MTHFD1L: variants seen among roughly 807,000 people sequenced by gnomAD.
MTHFD1L encodes the protein monofunctional C1-tetrahydrofolate synthase, mitochondrial.
A neutral mutation model predicts 119.5 loss-of-function variants in MTHFD1L; 81 were observed. The observed-to-expected ratio is 0.68, with a 90% CI of 0.57 to 0.82. MTHFD1L has a LOEUF of 0.82. Among genes scored for constraint, MTHFD1L ranks in the 40% least tolerant of loss-of-function variants. The pLI, the probability that MTHFD1L is intolerant of heterozygous loss-of-function variation, is 0.00. For synonymous variants in MTHFD1L, 430 were observed against 475.2 expected (o/e 0.90, Z 1.24); for missense variants, 1,125 against 1,253.4 (o/e 0.90, Z 1.55).
intron 11 of MTHFD1L, among the ~76,000 whole-genome samples, chr6:150,933,074 C>G (rs1791439189): frequency 6.6e-6 from 1 of 152,080 alleles, no homozygotes; most frequent in African/African-American, 2.4e-5. Flanking sequence ...TTATTGCTCA[C>G]AATAAATACT....
intron 26 of MTHFD1L, among the ~76,000 whole-genome samples, chr6:151,078,335 A>G (rs7769455): frequency 0.13 from 19,417 of 152,062 alleles, 2,590 homozygotes; most frequent in African/African-American, 0.33. Context: ...CTACTCACTC[A>G]GGAGGATGAG....
rs114853627 is a variant in MTHFD1L at position 150,973,730 on chromosome 6, A to C, written c.2125+1672A>C. Reference sequence around the variant, plus strand: ...ACGAGCCCTCTGTGTGACCTTGAACAAGCCATTAGCCTCTCTGGGTGTGTC... The same window carrying C: ...ACGAGCCCTCTGTGTGACCTTGAACCAGCCATTAGCCTCTCTGGGTGTGTC... On this transcript the variant is annotated intron_variant, in intron 20 of 27. Coordinates refer to ENST00000367321, the MANE Select transcript of MTHFD1L (RefSeq NM_015440.5). Among the ~76,000 whole-genome samples, 292 of 152,314 alleles carry C rather than the reference A, an allele frequency of 1.9e-3. 1 individual carries two copies. Among genetic ancestry groups the C allele is most frequent in the African/African-American group, 6.8e-3 (281 of 41,568 alleles).
At chr6:150,938,799 C>T (rs1040798829) in intron 13 of MTHFD1L, 54 bp downstream of exon 13, 120 of 1,554,784 alleles carry the variant, frequency 7.7e-5, no homozygotes, top group Non-Finnish European at 9.6e-5. Context: ...TTCCTGACAT[C>T]TTGTCTCTGC....
intron 24 of MTHFD1L, among the ~76,000 whole-genome samples, chr6:151,021,736 C>T (rs1438264802): frequency 6.6e-6 from 1 of 152,208 alleles, no homozygotes; most frequent in Non-Finnish European, 1.5e-5. Flanking sequence ...AGTCAAGTCT[C>T]CTAAAGCACT....
chr6:150,913,006 A>AT (rs553548063), intron 8 of MTHFD1L: 167 of 156,358 alleles, frequency 1.1e-3, no homozygotes, highest in South Asian at 2.1e-3. Context: ...ACTTATTTTT[A>AT]TTTTTTTTAT....
At chr6:150,930,226 C>A (rs1411359447) in intron 11 of MTHFD1L, among the ~76,000 whole-genome samples, 1 of 152,112 alleles carries the variant, frequency 6.6e-6, no homozygotes, top group Admixed American at 6.6e-5. Context: ...CATAGCAAGA[C>A]CCCATCTTTA....
At chr6:150,879,585 G>A (rs1486727915) in intron 4 of MTHFD1L, among the ~76,000 whole-genome samples, 1 of 150,100 alleles carries the variant, frequency 6.7e-6, no homozygotes, top group Non-Finnish European at 1.5e-5. Flanking sequence ...ACTGCGCCCA[G>A]CTGGAATTTG....
chr6:150,916,710 A>T (rs1583540245), intron 8 of MTHFD1L, among the ~76,000 whole-genome samples: 2 of 90,974 alleles, frequency 2.2e-5, no homozygotes, highest in Admixed American at 2.3e-4. Context: ...GCAATTTTTT[A>T]GTTTTGATGG....
chr6:150,866,053 A>C lies in MTHFD1L; in HGVS notation c.227+4A>C, dbSNP rs1185574666. On this transcript the variant is annotated splice_donor_region_variant and intron_variant, in intron 1 of 27. Coordinates refer to ENST00000367321, the MANE Select transcript of MTHFD1L (RefSeq NM_015440.5). Reference sequence around the variant, plus strand: ...CGGCGCGGGACTCCATCGTCAGGTGAGTGTCGGGTCTGGCCCTGGCCCAGG... The same window carrying C: ...CGGCGCGGGACTCCATCGTCAGGTGCGTGTCGGGTCTGGCCCTGGCCCAGG... The C allele has an allele frequency of 2.4e-5, 36 of 1,470,190 alleles. No individual in the cohort carries two copies. The highest frequency in any genetic ancestry group is 3.1e-5 in the Non-Finnish European group (35 of 1,118,310). The allele number at this position is 1,470,190 out of a possible 1,614,324, so 91.1% of individuals were successfully genotyped here. A position where few individuals can be genotyped will look rare whatever the true frequency, so the allele number is the denominator to read the frequency against.
chr6:150,910,749 T>C (rs1786747671), intron 8 of MTHFD1L, among the ~76,000 whole-genome samples: 1 of 152,130 alleles, frequency 6.6e-6, no homozygotes, highest in Non-Finnish European at 1.5e-5. Flanking sequence ...CAATAAATGC[T>C]GGTCCACTTC....
chr6:151,095,842 C>G (rs1157061568), intron 27 of MTHFD1L, among the ~76,000 whole-genome samples: 1 of 152,252 alleles, frequency 6.6e-6, no homozygotes, highest in African/African-American at 2.4e-5. Context: ...GTGGCACTGC[C>G]TCTCATTTCA....
chr6:150,874,715 C>T (rs891770299), intron 1 of MTHFD1L, among the ~76,000 whole-genome samples: 1 of 152,076 alleles, frequency 6.6e-6, no homozygotes, highest in Admixed American at 6.6e-5. Context: ...CGAAGGTAGC[C>T]TCTGCAGTCA....
rs530845056 is a variant in MTHFD1L, at chr6:151,037,660, A to G, written c.2847+543A>G. On this transcript the variant is annotated intron_variant, in intron 26 of 27. Transcript: ENST00000367321. ...GATGGGATCATGTTGCTATTGGATG[A>G]TTATTCTGTTATTTTGTGTTATCTA... 6.5e-4 allele frequency among the ~76,000 whole-genome samples: 99 copies of G among 152,306 alleles called. 1 individual carries two copies. Among genetic ancestry groups the G allele is most frequent in the Middle Eastern group, 6.8e-3 (2 of 294 alleles).
chr6:150,912,686 G>C (rs749819635), intron 8 of MTHFD1L: 3 of 513,968 alleles, frequency 5.8e-6, no homozygotes, highest in African/African-American at 1.9e-5. Flanking sequence ...ATTATCATTA[G>C]AAGAATGGCC....
intron 11 of MTHFD1L, among the ~76,000 whole-genome samples, chr6:150,936,149 C>T (rs1562411236): frequency 6.6e-6 from 1 of 152,142 alleles, no homozygotes; most frequent in South Asian, 2.1e-4. Flanking sequence ...TGTAGGACTC[C>T]AAGAGCTAGG....
At chr6:151,023,837 T>G (rs1389527021) in intron 24 of MTHFD1L, among the ~76,000 whole-genome samples, 1 of 152,216 alleles carries the variant, frequency 6.6e-6, no homozygotes, top group Non-Finnish European at 1.5e-5. Context: ...GTTGGCCGGC[T>G]GCCTTCTACC....
At chr6:151,081,056 G>A (rs1476107231) in intron 26 of MTHFD1L, among the ~76,000 whole-genome samples, 1 of 152,174 alleles carries the variant, frequency 6.6e-6, no homozygotes, top group Non-Finnish European at 1.5e-5. Context: ...TTGAGGGGAT[G>A]CAGTTCAGTC....
chr6:150,880,323 T>TA (rs1257558214), intron 4 of MTHFD1L, among the ~76,000 whole-genome samples: 1 of 152,220 alleles, frequency 6.6e-6, no homozygotes, highest in Non-Finnish European at 1.5e-5. Flanking sequence ...AGATCAGCTT[T>TA]CCTAGATTGC....
Position 150,917,749 on chromosome 6 carries a change from C to T in MTHFD1L, c.893-828C>T, listed in dbSNP as rs75614635. On this transcript the variant is annotated intron_variant, in intron 8 of 27. Transcript: ENST00000367321. The stretch of plus-strand genomic sequence containing the variant: ...GGTTGATATTACTCACATTAATTAA[C>T]AGGCCCAACATCACAATTTCTAGCA... Among the ~76,000 whole-genome samples, 243 of 152,266 alleles carry T rather than the reference C, an allele frequency of 1.6e-3. 1 individual carries two copies. Among genetic ancestry groups the T allele is most frequent in the African/African-American group, 5.5e-3 (229 of 41,532 alleles).
Sources: gnomAD v4.1 joint callset for allele counts (sites outside exome capture counted in the v4.1 genomes callset) on GRCh38, gnomAD v4.1.1 for gene constraint, MANE v1.5 for transcripts, NCBI Gene and HGNC (gene_info 2026-07-23, HGNC 2026-07-21) for gene names.